The following CNTN4 variants were observed in gnomAD, a reference collection of about 807,000 sequenced individuals.
CNTN4 encodes contactin 4.
CNTN4 carries 77 observed loss-of-function variants against 122.5 expected under a neutral mutation model. The ratio of observed to expected loss-of-function variants is 0.63; its 90% confidence interval spans 0.52 to 0.76. The LOEUF (loss-of-function observed/expected upper bound fraction) is 0.76. CNTN4 is among the 30% of genes least tolerant of loss of function. CNTN4 has a pLI of 0.00. For synonymous variants in CNTN4, 512 were observed against 447.0 expected (o/e 1.15, Z -1.83); for missense variants, 1,256 against 1,259.1 (o/e 1.00, Z 0.04).
intron 3 of CNTN4, among the ~76,000 whole-genome samples, chr3:2,397,074 T>C (rs2046668758): frequency 1.3e-5 from 2 of 152,134 alleles, no homozygotes; most frequent in Non-Finnish European, 2.9e-5. Context: ...CTAAAGCAAA[T>C]AACAGGGCAT....
intron 2 of CNTN4, among the ~76,000 whole-genome samples, chr3:2,244,761 G>GGA (rs2040077343): frequency 6.6e-6 from 1 of 151,972 alleles, no homozygotes; most frequent in South Asian, 2.1e-4. Flanking sequence ...TGACCCGTCA[G>GGA]GAGAGAGACA....
At chr3:2,452,735 G>T (rs1226931585) in intron 3 of CNTN4, among the ~76,000 whole-genome samples, 1 of 152,072 alleles carries the variant, frequency 6.6e-6, no homozygotes, top group Non-Finnish European at 1.5e-5. Flanking sequence ...GCATGTAGGA[G>T]TATATGAGAG....
At chr3:2,672,883 G>T (rs1486253563) in intron 4 of CNTN4, among the ~76,000 whole-genome samples, 1 of 152,100 alleles carries the variant, frequency 6.6e-6, no homozygotes, top group East Asian at 1.9e-4. Context: ...AAGGCCCTGG[G>T]GATTAAGAAT....
chr3:2,844,057 C>T (rs1260234123), intron 7 of CNTN4, among the ~76,000 whole-genome samples: 5 of 152,166 alleles, frequency 3.3e-5, no homozygotes, highest in Non-Finnish European at 7.3e-5. Context: ...TACTGTTTCT[C>T]AAAGACATGA....
intron 6 of CNTN4, among the ~76,000 whole-genome samples, chr3:2,747,951 T>C (rs2149578635): frequency 6.6e-6 from 1 of 152,352 alleles, no homozygotes; most frequent in East Asian, 1.9e-4. Flanking sequence ...TTAAAGATGC[T>C]GGTTACTCTT....
intron 4 of CNTN4, among the ~76,000 whole-genome samples, chr3:2,581,155 G>A (rs1576084302): frequency 6.6e-6 from 1 of 152,126 alleles, no homozygotes; most frequent in South Asian, 2.1e-4. Flanking sequence ...CTGCAGGTGG[G>A]GTTGTCCTTG....
intron 7 of CNTN4, among the ~76,000 whole-genome samples, chr3:2,850,176 G>T (rs1054491880): frequency 3.3e-5 from 5 of 151,974 alleles, no homozygotes; most frequent in Non-Finnish European, 7.4e-5. Context: ...TTTTAGTAGA[G>T]ACCAGGTTTC....
chr3:2,654,185 G>A lies in CNTN4; in HGVS notation c.56-82030G>A, dbSNP rs144631953. ...AAGCTGAGCTATAGGAATTCAAGTGGGGTCTGGAAATACCATTGAAAAAAA... is the reference window on the plus strand; with the variant it reads ...AAGCTGAGCTATAGGAATTCAAGTGAGGTCTGGAAATACCATTGAAAAAAA... On this transcript the variant is annotated intron_variant, in intron 4 of 24. Transcript: ENST00000418658. Among the ~76,000 whole-genome samples, 342 of 152,262 alleles carry A rather than the reference G, an allele frequency of 2.2e-3. 1 individual carries two copies. Among genetic ancestry groups the A allele is most frequent in the African/African-American group, 7.9e-3 (328 of 41,558 alleles).
At chr3:2,575,791 T>C (rs935736347) in intron 4 of CNTN4, among the ~76,000 whole-genome samples, 1 of 146,356 alleles carries the variant, frequency 6.8e-6, no homozygotes, top group Admixed American at 7.3e-5. Flanking sequence ...TAATGATATA[T>C]TTTGCTTTCT....
chr3:2,629,831 T>C (rs1301605961), intron 4 of CNTN4, among the ~76,000 whole-genome samples: 1 of 152,170 alleles, frequency 6.6e-6, no homozygotes, highest in Non-Finnish European at 1.5e-5. Flanking sequence ...TACTCTGGTA[T>C]CAGTTATGCC....
At chr3:2,126,464 T>C (rs2034176257) in intron 2 of CNTN4, among the ~76,000 whole-genome samples, 1 of 152,214 alleles carries the variant, frequency 6.6e-6, no homozygotes, top group African/African-American at 2.4e-5. Context: ...TCTGGGTTTC[T>C]AGTAGATTTA....
At chr3:2,269,450 T>A (rs1181228562) in intron 2 of CNTN4, among the ~76,000 whole-genome samples, 1 of 152,110 alleles carries the variant, frequency 6.6e-6, no homozygotes, top group Non-Finnish European at 1.5e-5. Flanking sequence ...GGGTGCTGGG[T>A]ACTGATTAGT....
At chr3:2,989,865 A>G (rs187725678) in intron 14 of CNTN4, among the ~76,000 whole-genome samples, 261 of 152,352 alleles carry the variant, frequency 1.7e-3, no homozygotes, top group Admixed American at 2.6e-3. Flanking sequence ...AGAGATCTCA[A>G]TGTTTCAGAG....
chr3:2,948,503 C>T (rs376082620), intron 13 of CNTN4, among the ~76,000 whole-genome samples: 22 of 152,208 alleles, frequency 1.4e-4, no homozygotes, highest in Admixed American at 9.8e-4. Flanking sequence ...ATGTTAGGCT[C>T]GCAGGAAAAT....
At chr3:2,838,304 T>C (rs2093275615) in intron 7 of CNTN4, among the ~76,000 whole-genome samples, 1 of 152,178 alleles carries the variant, frequency 6.6e-6, no homozygotes, top group Admixed American at 6.5e-5. Flanking sequence ...AATCCTAGCT[T>C]TAGAAACTCT....
intron 3 of CNTN4, among the ~76,000 whole-genome samples, chr3:2,353,774 C>T (rs1231202215): frequency 6.6e-6 from 1 of 152,188 alleles, no homozygotes; most frequent in Non-Finnish European, 1.5e-5. Flanking sequence ...TGGCGGGCGC[C>T]TGTGGTCCCA....
intron 7 of CNTN4, among the ~76,000 whole-genome samples, chr3:2,822,390 C>T (rs1016885472): frequency 6.6e-6 from 1 of 152,104 alleles, no homozygotes; most frequent in Non-Finnish European, 1.5e-5. Context: ...AATTATAACT[C>T]GATAAGGGCT....
intron 2 of CNTN4, among the ~76,000 whole-genome samples, chr3:2,187,409 G>A (rs527916045): frequency 6.6e-5 from 10 of 152,188 alleles, no homozygotes; most frequent in South Asian, 2.1e-4. Flanking sequence ...TTGGCAATGC[G>A]GGCTCTTTTT....
At chr3:2,438,806 A>T (rs1324100940) in intron 3 of CNTN4, among the ~76,000 whole-genome samples, 2 of 152,184 alleles carry the variant, frequency 1.3e-5, no homozygotes, top group Non-Finnish European at 2.9e-5. Flanking sequence ...CAAGTGGGCA[A>T]TGAGTTTTAA....
Sources: allele counts gnomAD v4.1 joint callset (sites outside exome capture counted in the v4.1 genomes callset), GRCh38; gene constraint gnomAD v4.1.1; transcripts MANE v1.5; gene names NCBI Gene and HGNC (gene_info 2026-07-23, HGNC 2026-07-21).